Variants in RSPRY1 observed in about 807,000 individuals in gnomAD.
RSPRY1 encodes the protein RING finger and SPRY domain-containing protein 1.
In RSPRY1, 23 loss-of-function variants were observed where a neutral mutation model predicts 73.1. That is an observed-to-expected ratio of 0.31 (90% CI 0.23 to 0.45). The LOEUF is 0.45. Ranked by LOEUF, RSPRY1 falls within the 20% of genes least tolerant of loss-of-function variation. The pLI is 1.00. For missense variants in RSPRY1, 448 were observed against 698.7 expected (o/e 0.64, Z 4.05); for synonymous variants, 226 against 251.4 (o/e 0.90, Z 0.95).
intron 2 of RSPRY1, among the ~76,000 whole-genome samples, chr16:57,207,263 A>G (rs757512744): frequency 1.3e-5 from 2 of 152,178 alleles, no homozygotes; most frequent in African/African-American, 2.4e-5. Context: ...TGACCATACT[A>G]ATTCCCATAT....
chr16:57,220,878 G>C (rs2146322753), intron 9 of RSPRY1, 31 bp downstream of exon 9: 2 of 1,448,244 alleles, frequency 1.4e-6, no homozygotes, highest in Admixed American at 1.7e-5. Context: ...TGGACCCTTT[G>C]GGGGATGAGA....
At chr16:57,207,900 T>C in intron 2 of RSPRY1, 158 bp from the exon 3 acceptor site, 1 of 624,186 alleles carries the variant, frequency 1.6e-6, no homozygotes, top group East Asian at 2.7e-5. Flanking sequence ...ACATTCATCC[T>C]TACAGGTCAT....
chr16:57,216,068 G>GA (rs2074933490), intron 6 of RSPRY1, 39 bp from the exon 7 acceptor site: 1 of 811,832 alleles, frequency 1.2e-6, no homozygotes, highest in Non-Finnish European at 1.9e-6. Context: ...GCAGGGGAAT[G>GA]ATTTTTTTTT....
chr16:57,203,270 T>G (rs1235811590), intron 1 of RSPRY1, among the ~76,000 whole-genome samples: 1 of 152,156 alleles, frequency 6.6e-6, no homozygotes, highest in Non-Finnish European at 1.5e-5. Flanking sequence ...CACTCCAGCC[T>G]GGGTGATAGA....
chr16:57,188,238 C>G (rs542266505), intron 1 of RSPRY1, among the ~76,000 whole-genome samples: 45 of 152,300 alleles, frequency 3.0e-4, no homozygotes, highest in Non-Finnish European at 4.6e-4. Context: ...CTTTGTAGAT[C>G]CCTCTATGAG....
At chr16:57,217,129 T>C in intron 8 of RSPRY1, 94 bp downstream of exon 8, 6 of 1,413,634 alleles carry the variant, frequency 4.2e-6, no homozygotes, top group Non-Finnish European at 5.0e-6. Flanking sequence ...CAATGGTAAG[T>C]ATGAGTCCTC....
intron 14 of RSPRY1, among the ~76,000 whole-genome samples, chr16:57,235,757 G>C (rs1364657247): frequency 6.6e-6 from 1 of 152,194 alleles, no homozygotes; most frequent in African/African-American, 2.4e-5. Flanking sequence ...GATTGTTTAT[G>C]AGCAACACTC....
In RSPRY1 at chr16:57,240,338, T is replaced by G. The variant is rs552800586; in HGVS notation, c.*1363T>G. On this transcript the variant is annotated 3_prime_UTR_variant, in exon 15 of 15. Coordinates refer to ENST00000394420, the MANE Select transcript of RSPRY1 (RefSeq NM_133368.3). ...TTCCGTGTCTTTAGTCTTCCATAAATCCACACACACACACACACACAAAAA... is the reference window on the plus strand; with the variant it reads ...TTCCGTGTCTTTAGTCTTCCATAAAGCCACACACACACACACACACAAAAA... 1 of 148,930 alleles carries G rather than the reference T, an allele frequency of 6.7e-6. No homozygotes were observed. The highest frequency in any genetic ancestry group is 1.5e-5 in the Non-Finnish European group (1 of 67,474). 9.2% of individuals were successfully genotyped at this position (148,930 alleles called of 1,614,324 possible).
chr16:57,195,840 T>C (rs1280217506), intron 1 of RSPRY1, among the ~76,000 whole-genome samples: 1 of 151,426 alleles, frequency 6.6e-6, no homozygotes, highest in Non-Finnish European at 1.5e-5. Flanking sequence ...GGCCAACATA[T>C]TGAAACCCCG....
intron 1 of RSPRY1, among the ~76,000 whole-genome samples, chr16:57,202,435 T>A (rs1462934548): frequency 6.6e-6 from 1 of 152,228 alleles, no homozygotes; most frequent in Non-Finnish European, 1.5e-5. Flanking sequence ...AGGGACCCTT[T>A]AAAGAATTAT....
At chr16:57,187,649 C>T (rs75813034) in intron 1 of RSPRY1, among the ~76,000 whole-genome samples, 5,003 of 152,238 alleles carry the variant, frequency 0.033, 265 homozygotes, top group East Asian at 0.21. Context: ...AGTGAAGGCA[C>T]TTTCTAAAAT....
In RSPRY1 at chr16:57,216,950, T is replaced by G. The variant is rs1447030848; in HGVS notation, c.816T>G (p.Leu272=). The change falls in exon 8 of 15, where the codon CTT becomes CTG. Residue 272 remains leucine (L), a synonymous_variant. Transcript: ENST00000394420. ...TISESSISDR[L]VTLESWANDP... is the part of the protein sequence containing the mutation. ...CTGAATCCAGTATTAGTGACCGGCT[T>G]GTCACATTGGAGTCCTGGGCTAATG... The G allele has an allele frequency of 2.5e-6, 4 of 1,613,448 alleles. No homozygotes were observed. The highest frequency in any genetic ancestry group is 3.4e-6 in the Non-Finnish European group (4 of 1,179,364).
intron 4 of RSPRY1, among the ~76,000 whole-genome samples, chr16:57,209,611 G>C (rs558258536): frequency 6.6e-6 from 1 of 151,930 alleles, no homozygotes; most frequent in Non-Finnish European, 1.5e-5. Flanking sequence ...TGATCCACCT[G>C]CCTCGGCCTC....
chr16:57,214,854 C>A (rs575868736), intron 6 of RSPRY1, among the ~76,000 whole-genome samples: 7 of 152,266 alleles, frequency 4.6e-5, no homozygotes, highest in African/African-American at 1.7e-4. Context: ...CATGGCGAAA[C>A]CTGGTCCCTA....
chr16:57,193,804 G>C (rs563269742), intron 1 of RSPRY1, among the ~76,000 whole-genome samples: 1 of 152,062 alleles, frequency 6.6e-6, no homozygotes, highest in Admixed American at 6.5e-5. Context: ...GGTGGCTCAC[G>C]CCTGTAATCC....
intron 13 of RSPRY1, 35 bp from the exon 14 acceptor site, chr16:57,235,089 G>A (rs779222576): frequency 2.6e-6 from 4 of 1,511,310 alleles, no homozygotes; most frequent in South Asian, 2.3e-5. Context: ...GACCCCTGTT[G>A]ACAAAATGTA....
At chr16:57,198,061 G>A (rs922062167) in intron 1 of RSPRY1, among the ~76,000 whole-genome samples, 1 of 151,906 alleles carries the variant, frequency 6.6e-6, no homozygotes, top group East Asian at 1.9e-4. Context: ...AAAAATCTGC[G>A]TGTATTGGAT....
intron 4 of RSPRY1, among the ~76,000 whole-genome samples, chr16:57,211,496 A>G (rs1357455952): frequency 6.6e-6 from 1 of 152,032 alleles, no homozygotes; most frequent in Non-Finnish European, 1.5e-5. Flanking sequence ...TTGAACTCGG[A>G]AGGTGGAGGC....
chr16:57,230,862 CTTTTCTCTAGG>C, intron 12 of RSPRY1, 49 bp downstream of exon 12: 1 of 1,062,030 alleles, frequency 9.4e-7, no homozygotes. Flanking sequence ...ACGGAATGCC[CTTTTCTCTAGG>C]AAAAAAAAAG....
Sources: allele counts gnomAD v4.1 joint callset (sites outside exome capture counted in the v4.1 genomes callset), GRCh38; gene constraint gnomAD v4.1.1; transcripts MANE v1.5; gene names NCBI Gene and HGNC (gene_info 2026-07-23, HGNC 2026-07-21).